PCDHGA6: variants seen among roughly 807,000 people sequenced by gnomAD.
PCDHGA6 encodes the protein protocadherin gamma-A6.
PCDHGA6 carries 41 observed loss-of-function variants against 60.6 expected under a neutral mutation model. The ratio of observed to expected loss-of-function variants is 0.68; its 90% CI spans 0.53 to 0.88. The LOEUF is 0.88. PCDHGA6 is among the 40% of genes least tolerant of loss of function. PCDHGA6 has a pLI of 0.00. For missense variants in PCDHGA6, 1,312 were observed against 1,203.0 expected (o/e 1.09, Z -1.34); for synonymous variants, 594 against 524.4 (o/e 1.13, Z -1.81).
rs77983663 is a variant in PCDHGA6, at chr5:141,504,853, C to T, written c.2484-540C>T. 2.8e-4 allele frequency among the ~76,000 whole-genome samples: 42 copies of T among 152,214 alleles called. No homozygotes were observed. In the East Asian group the frequency reaches 7.7e-3, roughly 28 times the overall value. On this transcript the variant is annotated intron_variant, in intron 2 of 3. Transcript: ENST00000517434. ...TTCTCTAGCTCTGGAACATTCTCTT[C>T]CATTTCCCACCTTCACAGTCCTCTG... is the stretch of plus-strand genomic sequence containing the variant.
intron 1 of PCDHGA6, among the ~76,000 whole-genome samples, chr5:141,381,826 C>CTTTTTTTTTTTTTTTTTTTTT (rs770630741): frequency 2.7e-5 from 2 of 74,284 alleles, no homozygotes; most frequent in Admixed American, 1.9e-4. Flanking sequence ...CTTTCTTCTT[C>CTTTTTTTTTTTTTTTTTTTTT]TTTTTTTTTT....
chr5:141,395,542 TTGTGTG>T (rs55729045), intron 1 of PCDHGA6: 20,097 of 170,756 alleles, frequency 0.12, 1,101 homozygotes, highest in Admixed American at 0.15. Context: ...TTGCTATTGT[TTGTGTG>T]TGTGTGTGTG....
intron 3 of PCDHGA6, among the ~76,000 whole-genome samples, chr5:141,510,741 C>A (rs11953770): frequency 1.3e-5 from 2 of 152,138 alleles, no homozygotes; most frequent in Non-Finnish European, 1.5e-5. Context: ...GGAATCAAAC[C>A]TAGACTTTCT....
intron 1 of PCDHGA6, chr5:141,389,992 T>A: frequency 6.2e-7 from 1 of 1,614,010 alleles, no homozygotes. Context: ...CTCTTCCTCG[T>A]GGCCATGATT....
At position 141,490,821 on chromosome 5, in the gene PCDHGA6, G is replaced by A. The variant is rs907584239; in HGVS notation, c.2425-3986G>A. On this transcript the variant is annotated intron_variant, in intron 1 of 3. Transcript: ENST00000517434. The surrounding 1 kb of genome is among the most constrained non-coding windows in gnomAD (Gnocchi z 5.4). ...AGCGTACCTTTGACTATGAATTGCT[G>A]CAGATGCTGCAGATTGTGGTGGGGG... 6.2e-7 allele frequency: 1 copy of A among 1,613,876 alleles called. No homozygotes were observed. Among genetic ancestry groups the A allele is most frequent in the Non-Finnish European group, 8.5e-7 (1 of 1,179,826 alleles).
chr5:141,375,637 C>G lies in PCDHGA6; in HGVS notation c.1554C>G (p.Arg518=), dbSNP rs1331644453. 1.2e-6 allele frequency: 2 copies of G among 1,614,238 alleles called. No individual in the cohort carries two copies. The highest frequency in any genetic ancestry group is 2.2e-5 in the South Asian group (2 of 91,082). Residue 518 remains arginine, a synonymous_variant, in exon 1 of 4, where the codon CGC becomes CGG. Transcript: ENST00000517434. ...ACACTGGGATTCTGTACGCCCTGCG[C>G]TCCTTCGACTATGAGCAGTTGAGAG... ...NSDTGILYAL[R]SFDYEQLRDL... is the part of the protein sequence containing the mutation.
At chr5:141,483,009 C>G (rs538900128) in intron 1 of PCDHGA6, among the ~76,000 whole-genome samples, 1 of 152,060 alleles carries the variant, frequency 6.6e-6, no homozygotes, top group South Asian at 2.1e-4. Context: ...TGCTTGAACC[C>G]GGGAGGCAGA....
chr5:141,421,879 G>T (rs1458461652), intron 1 of PCDHGA6: 1 of 1,613,746 alleles, frequency 6.2e-7, no homozygotes, highest in Non-Finnish European at 8.5e-7. Context: ...AGCTTTAGAT[G>T]GAGGCGATCC....
At position 141,374,455 on chromosome 5, in the gene PCDHGA6, G is replaced by A. The variant is rs772470084; in HGVS notation, c.372G>A (p.Val124=). 3.7e-6 allele frequency: 6 copies of A among 1,613,610 alleles called. No homozygotes were observed. In the South Asian group the frequency reaches 5.5e-5, roughly 15 times the overall value. The part of the protein sequence containing the change: ...LNLYPVEVEI[V]DINDNTPRFL... The stretch of plus-strand genomic sequence containing the variant: ...TTTATCCCGTGGAAGTGGAAATAGT[G>A]GACATTAATGACAATACACCCCGAT... The change falls in exon 1 of 4, where the codon GTG becomes GTA. Residue 124 remains valine (V), a synonymous_variant. Coordinates refer to ENST00000517434, the MANE Select transcript of PCDHGA6 (RefSeq NM_018919.3).
chr5:141,466,510 A>AT (rs1222513096), intron 1 of PCDHGA6, among the ~76,000 whole-genome samples: 1 of 151,938 alleles, frequency 6.6e-6, no homozygotes, highest in African/African-American at 2.4e-5. Context: ...AGACAAGATC[A>AT]TTTTTTTTCC....
chr5:141,437,074 A>G (rs1455066447), intron 1 of PCDHGA6, among the ~76,000 whole-genome samples: 1 of 152,250 alleles, frequency 6.6e-6, no homozygotes, highest in Non-Finnish European at 1.5e-5. Flanking sequence ...GGTTTGGGCC[A>G]TATAAGAATT....
chr5:141,421,507 G>A lies in PCDHGA6; in HGVS notation c.2424+45000G>A, dbSNP rs758920296. On this transcript the variant is annotated intron_variant, in intron 1 of 3. Coordinates refer to ENST00000517434, the MANE Select transcript of PCDHGA6 (RefSeq NM_018919.3). ...GATCACGGCAGGCAGGATAGACCGG[G>A]AGGAGCTCTGTGAGACGGTGTCCTC... The A allele has an allele frequency of 6.8e-6, 11 of 1,614,070 alleles. No homozygotes were observed. The South Asian group carries it at 1.2e-4, about 18-fold the overall frequency.
In PCDHGA6 at chr5:141,486,581, C is replaced by T; in HGVS notation, c.2425-8226C>T. 1 of 1,613,764 alleles carries T rather than the reference C, an allele frequency of 6.2e-7. No individual in the cohort carries two copies. The highest frequency in any genetic ancestry group is 1.1e-5 in the South Asian group (1 of 91,082). On this transcript the variant is annotated intron_variant, in intron 1 of 3. Coordinates refer to ENST00000517434, the MANE Select transcript of PCDHGA6 (RefSeq NM_018919.3). This position sits in a 1 kb window ranked among gnomAD's most constrained non-coding sequence, Gnocchi z 5.0. ...GGTGTTTGTTCCTGAGAACAATCGC[C>T]CAGGGGACCTGCTTTGCTCCCTTGC... is the stretch of plus-strand genomic sequence containing the variant.
Position 141,485,449 on chromosome 5 carries a change from A to G in PCDHGA6, c.2425-9358A>G, listed in dbSNP as rs2099613844. 6.2e-7 allele frequency: 1 copy of G among 1,614,054 alleles called. No homozygotes were observed. The highest frequency in any genetic ancestry group is 2.2e-5 in the East Asian group (1 of 44,876). On this transcript the variant is annotated intron_variant, in intron 1 of 3. Coordinates refer to ENST00000517434, the MANE Select transcript of PCDHGA6 (RefSeq NM_018919.3). The surrounding 1 kb of genome is among the most constrained non-coding windows in gnomAD (Gnocchi z 5.7). ...TGCTCATCAAGAACCCAATCGACCG[A>G]GAGGCACTGTGTGGGCTCAGTGCCA...
chr5:141,482,505 C>T (rs1183998287), intron 1 of PCDHGA6, among the ~76,000 whole-genome samples: 1 of 122,986 alleles, frequency 8.1e-6, no homozygotes, highest in African/African-American at 3.4e-5. Context: ...TTCTGGTACC[C>T]AGAGTACAGT....
Position 141,487,845 on chromosome 5 carries a change from A to C in PCDHGA6, c.2425-6962A>C, listed in dbSNP as rs2099667978. ...GGGTCATGCCTATATCTGAGTAAGA[A>C]ATGAAAGTAATTGGTGATCAAGAGC... On this transcript the variant is annotated intron_variant, in intron 1 of 3. Coordinates refer to ENST00000517434, the MANE Select transcript of PCDHGA6 (RefSeq NM_018919.3). The surrounding 1 kb of genome is among the most constrained non-coding windows in gnomAD (Gnocchi z 5.0). 2.9e-6 allele frequency: 3 copies of C among 1,027,382 alleles called. No homozygotes were observed. Among genetic ancestry groups the C allele is most frequent in the Non-Finnish European group, 4.2e-6 (3 of 716,452 alleles). The allele number at this position is 1,027,382 out of a possible 1,614,324, so 63.6% of individuals were successfully genotyped here.
At chr5:141,419,529 A>G (rs2096395609) in intron 1 of PCDHGA6, 2 of 1,612,082 alleles carry the variant, frequency 1.2e-6, no homozygotes, top group Non-Finnish European at 1.7e-6. Context: ...GACCGTAACG[A>G]CAACGCACCG....
intron 1 of PCDHGA6, among the ~76,000 whole-genome samples, chr5:141,455,913 T>C (rs2098837234): frequency 7.2e-6 from 1 of 138,032 alleles, no homozygotes; most frequent in African/African-American, 2.7e-5. Context: ...ATTTATTTAT[T>C]TTGAGACGGA....
chr5:141,477,560 T>C lies in PCDHGA6; in HGVS notation c.2425-17247T>C, dbSNP rs2099412994. The C allele has an allele frequency of 1.2e-6, 2 of 1,614,078 alleles. No homozygotes were observed. Among genetic ancestry groups the C allele is most frequent in the South Asian group, 2.2e-5 (2 of 91,094 alleles). ...GGCTCCAATACTAAACCTAAGTGTC[T>C]GGGACCCCGACGCCCCGCAGAATGC... On this transcript the variant is annotated intron_variant, in intron 1 of 3. Transcript: ENST00000517434. This position sits in a 1 kb window ranked among gnomAD's most constrained non-coding sequence, Gnocchi z 4.9.
Sources: allele counts gnomAD v4.1 joint callset (sites outside exome capture counted in the v4.1 genomes callset), GRCh38; gene constraint gnomAD v4.1.1; non-coding constraint Gnocchi (gnomAD v3.1); transcripts MANE v1.5; gene names NCBI Gene and HGNC (gene_info 2026-07-23, HGNC 2026-07-21).